GSG1L: variants seen among roughly 807,000 people sequenced by gnomAD.
The protein encoded by GSG1L is germ cell-specific gene 1-like protein.
In GSG1L, 24 loss-of-function variants were observed where a neutral mutation model predicts 42.1. The ratio of observed to expected loss-of-function variants is 0.57; its 90% CI spans 0.41 to 0.80. The LOEUF is 0.80. Ranked by LOEUF, GSG1L falls within the 30% of genes least tolerant of loss-of-function variation. GSG1L has a pLI of 0.00. For missense variants in GSG1L, 445 were observed against 472.2 expected (o/e 0.94, Z 0.53); for synonymous variants, 215 against 203.5 (o/e 1.06, Z -0.48).
intron 3 of GSG1L, among the ~76,000 whole-genome samples, chr16:27,851,462 C>T (rs1019276200): frequency 6.6e-6 from 1 of 152,070 alleles, no homozygotes; most frequent in Non-Finnish European, 1.5e-5. Context: ...TCCCAAAGTG[C>T]CGGGATCCAA....
chr16:27,846,405 T>A (rs2083444107), intron 3 of GSG1L, among the ~76,000 whole-genome samples: 1 of 152,174 alleles, frequency 6.6e-6, no homozygotes, highest in African/African-American at 2.4e-5. Flanking sequence ...GAAGGACAAC[T>A]CCTTATGCCA....
chr16:27,940,727 T>C (rs1355486841), intron 2 of GSG1L, among the ~76,000 whole-genome samples: 1 of 136,890 alleles, frequency 7.3e-6, no homozygotes, highest in Non-Finnish European at 1.6e-5. Flanking sequence ...TGGGGAGGGA[T>C]AGCATTAGGA....
chr16:27,977,119 C>T (rs149178637), intron 1 of GSG1L, among the ~76,000 whole-genome samples: 99 of 152,228 alleles, frequency 6.5e-4, no homozygotes, highest in Non-Finnish European at 1.2e-3. Flanking sequence ...AGCAATGGCA[C>T]GAAGTCTGAA....
rs527294045 is a variant in GSG1L at position 27,869,241 on chromosome 16, A to G, written c.550+15245T>C. ...TGGAAGTTATGGAGGTGGAGAGAAC[A>G]GAAGAAGGAGGGCCTTCAAGGCTCC... On this transcript the variant is annotated intron_variant, in intron 3 of 6. Coordinates refer to ENST00000447459, the MANE Select transcript of GSG1L (RefSeq NM_001109763.2). Among the ~76,000 whole-genome samples, 32 of 151,676 alleles carry G rather than the reference A, an allele frequency of 2.1e-4. 2 individuals are homozygous for G. The highest frequency in any genetic ancestry group is 7.6e-4 in the African/African-American group (31 of 40,956).
chr16:28,060,670 G>T (rs2086330471), intron 1 of GSG1L, among the ~76,000 whole-genome samples: 1 of 152,054 alleles, frequency 6.6e-6, no homozygotes, highest in Non-Finnish European at 1.5e-5. Flanking sequence ...TTCCCGAGAA[G>T]GTAATTCCAG....
intron 1 of GSG1L, among the ~76,000 whole-genome samples, chr16:28,013,228 A>G (rs2085744103): frequency 6.6e-6 from 1 of 151,816 alleles, no homozygotes; most frequent in Non-Finnish European, 1.5e-5. Context: ...TCAAAAAAAA[A>G]AAAAACTTAC....
At chr16:27,958,796 T>C (rs1193944900) in intron 2 of GSG1L, among the ~76,000 whole-genome samples, 2 of 152,134 alleles carry the variant, frequency 1.3e-5, no homozygotes, top group Admixed American at 1.3e-4. Context: ...TGCCTCAGCC[T>C]CCCAAGTAGC....
At chr16:27,888,450 TTCTTTCTTTCTTTC>T (rs777273599) in intron 2 of GSG1L, among the ~76,000 whole-genome samples, 5,037 of 29,508 alleles carry the variant, frequency 0.17, 480 homozygotes, top group South Asian at 0.38. Context: ...CTTTCTTTCT[TTCTTTCTTTCTTTC>T]TCTCTCTCTC....
intron 6 of GSG1L, among the ~76,000 whole-genome samples, chr16:27,791,860 C>G (rs1386917597): frequency 6.6e-6 from 1 of 152,050 alleles, no homozygotes; most frequent in Non-Finnish European, 1.5e-5. Context: ...CCCAGTAACC[C>G]AACCATCCTC....
At chr16:27,881,473 C>T (rs568714250) in intron 3 of GSG1L, among the ~76,000 whole-genome samples, 1 of 152,122 alleles carries the variant, frequency 6.6e-6, no homozygotes, top group East Asian at 1.9e-4. Flanking sequence ...AACTCCTGAC[C>T]TCGTGATCCA....
At chr16:27,889,532 G>T (rs2141031110) in intron 2 of GSG1L, among the ~76,000 whole-genome samples, 1 of 152,190 alleles carries the variant, frequency 6.6e-6, no homozygotes, top group East Asian at 1.9e-4. Context: ...TGTCTTTGGA[G>T]GATTGTCTTT....
chr16:27,963,548 A>C (rs1452987633), intron 1 of GSG1L, among the ~76,000 whole-genome samples: 1 of 152,156 alleles, frequency 6.6e-6, no homozygotes, highest in Non-Finnish European at 1.5e-5. Flanking sequence ...TCCACGCTGC[A>C]GCTGGAGGGA....
intron 5 of GSG1L, among the ~76,000 whole-genome samples, chr16:27,824,703 A>G (rs1180634779): frequency 2.0e-5 from 3 of 152,252 alleles, no homozygotes; most frequent in Non-Finnish European, 1.5e-5. Context: ...GGAAGAATTC[A>G]TCTTGGGGCT....
At chr16:27,967,020 C>T (rs759944854) in intron 1 of GSG1L, among the ~76,000 whole-genome samples, 1 of 152,096 alleles carries the variant, frequency 6.6e-6, no homozygotes, top group Non-Finnish European at 1.5e-5. Flanking sequence ...ATGGCCCCTG[C>T]GACACTAGAC....
At chr16:27,996,724 C>G (rs991018975) in intron 1 of GSG1L, among the ~76,000 whole-genome samples, 4 of 152,314 alleles carry the variant, frequency 2.6e-5, no homozygotes, top group South Asian at 4.1e-4. Flanking sequence ...TTAACACAAA[C>G]AAAACATAAT....
rs544540082 is a variant in GSG1L at position 28,037,305 on chromosome 16, C to T, written c.349+25771G>A. Among the ~76,000 whole-genome samples the T allele has an allele frequency of 9.6e-4, 146 of 152,366 alleles. 1 individual carries two copies. In the South Asian group the frequency reaches 0.022, roughly 23 times the overall value. On this transcript the variant is annotated intron_variant, in intron 1 of 6. Transcript: ENST00000447459. Reference sequence around the variant, plus strand: ...CCCCCCAAAGTGCTGGGATCACAGGCGTGAGCCACCACGCCCAGCCTTGCA... The same window carrying T: ...CCCCCCAAAGTGCTGGGATCACAGGTGTGAGCCACCACGCCCAGCCTTGCA...
intron 1 of GSG1L, among the ~76,000 whole-genome samples, chr16:28,044,736 G>A (rs1017482748): frequency 6.7e-6 from 1 of 150,030 alleles, no homozygotes; most frequent in Admixed American, 6.8e-5. Flanking sequence ...TGATTCTCCT[G>A]CCTCAGCCTC....
chr16:27,905,899 G>A (rs11645477), intron 2 of GSG1L, among the ~76,000 whole-genome samples: 1 of 151,890 alleles, frequency 6.6e-6, no homozygotes, highest in East Asian at 1.9e-4. Flanking sequence ...TGACCAAAAG[G>A]ATCCTGGCTT....
intron 2 of GSG1L, among the ~76,000 whole-genome samples, chr16:27,918,451 A>G (rs1005004358): frequency 1.3e-5 from 2 of 152,118 alleles, no homozygotes; most frequent in Non-Finnish European, 1.5e-5. Context: ...TGAGGTCAGG[A>G]GCTCAAGACT....
Sources: allele counts gnomAD v4.1 joint callset (sites outside exome capture counted in the v4.1 genomes callset), GRCh38; gene constraint gnomAD v4.1.1; transcripts MANE v1.5; gene names NCBI Gene and HGNC (gene_info 2026-07-23, HGNC 2026-07-21).